ZNF618: variants seen among roughly 807,000 people sequenced by gnomAD.
The protein encoded by ZNF618 is neural precursor cell expressed, developmentally down-regulated 10.
In ZNF618, 34 loss-of-function variants were observed where a neutral mutation model predicts 103.0. The observed-to-expected ratio is 0.33, with a 90% CI of 0.25 to 0.44. The LOEUF (loss-of-function observed/expected upper bound fraction) is 0.44. Ranked by LOEUF, ZNF618 falls within the 20% of genes least tolerant of loss-of-function variation. The pLI is 1.00. For missense variants in ZNF618, 1,059 were observed against 1,295.4 expected, an observed-to-expected ratio of 0.82 and a Z score of 2.80; for synonymous variants, 551 against 542.2, an observed-to-expected ratio of 1.02 and a Z score of -0.23.
intron 1 of ZNF618, among the ~76,000 whole-genome samples, chr9:113,913,517 GA>G: frequency 1.3e-5 from 2 of 152,374 alleles, no homozygotes; most frequent in East Asian, 3.9e-4. Flanking sequence ...TTGGAGGTAT[GA>G]AAGCAGTTGC....
At chr9:113,920,792 G>C (rs1341876948) in intron 1 of ZNF618, among the ~76,000 whole-genome samples, 1 of 152,242 alleles carries the variant, frequency 6.6e-6, no homozygotes, top group Non-Finnish European at 1.5e-5. Flanking sequence ...ACAGTACCTA[G>C]CACATGGGAA....
intron 1 of ZNF618, among the ~76,000 whole-genome samples, chr9:113,879,017 T>A (rs945734207): frequency 1.3e-5 from 2 of 151,840 alleles, no homozygotes; most frequent in African/African-American, 4.8e-5. Flanking sequence ...TTTTTTTTTT[T>A]AAGTAGCATA....
At chr9:113,911,440 T>G (rs1396633287) in intron 1 of ZNF618, among the ~76,000 whole-genome samples, 1 of 152,128 alleles carries the variant, frequency 6.6e-6, no homozygotes, top group Admixed American at 6.6e-5. Context: ...ACGATTCTCC[T>G]GTCTTAGCCT....
At chr9:114,045,013 TATC>T (rs1246124532) in intron 13 of ZNF618, among the ~76,000 whole-genome samples, 1 of 152,242 alleles carries the variant, frequency 6.6e-6, no homozygotes. Flanking sequence ...TATATAATCA[TATC>T]ATCAGTGAAC....
chr9:113,945,402 A>G (rs1834923507), intron 1 of ZNF618, among the ~76,000 whole-genome samples: 1 of 152,174 alleles, frequency 6.6e-6, no homozygotes, highest in Non-Finnish European at 1.5e-5. Context: ...ATAGTTATCT[A>G]TTTATTGGTG....
chr9:114,049,734 A>G lies in ZNF618; in HGVS notation c.2432A>G (p.Gln811Arg). 1 of 1,613,886 alleles carries G rather than the reference A, an allele frequency of 6.2e-7. No individual in the cohort carries two copies. The highest frequency in any genetic ancestry group is 8.5e-7 in the Non-Finnish European group (1 of 1,179,898). Residue 811 changes from glutamine (Q) to arginine (R), a missense_variant, in exon 15 of 15, where the codon CAG (glutamine) becomes CGG (arginine). Physicochemically the swap from Gln to Arg is conservative, Grantham distance 43. Around this residue, in one of 6 missense-constraint regions of ZNF618, gnomAD observed 156 missense variants for 197.1 expected, o/e 0.79. Coordinates refer to ENST00000374126, the MANE Select transcript of ZNF618 (RefSeq NM_001318042.2). ...AHKVAMILDPQQKLRPVPPYQ... is the reference protein window; with the variant it reads ...AHKVAMILDPRQKLRPVPPYQ... ...AAGGTGGCCATGATCCTGGACCCGC[A>G]GCAGAAGCTGCGGCCTGTGCCACCC...
chr9:113,982,724 C>A (rs749041131), intron 2 of ZNF618, among the ~76,000 whole-genome samples: 12 of 152,120 alleles, frequency 7.9e-5, no homozygotes, highest in Non-Finnish European at 1.5e-4. Context: ...GTCTTAGAGC[C>A]TTGCTCAACA....
intron 1 of ZNF618, among the ~76,000 whole-genome samples, chr9:113,954,349 T>C (rs529839052): frequency 7.9e-5 from 12 of 152,104 alleles, no homozygotes; most frequent in Admixed American, 5.9e-4. Context: ...GCATTACCCT[T>C]TCACATGATG....
At chr9:113,937,865 T>C (rs767560684) in intron 1 of ZNF618, among the ~76,000 whole-genome samples, 16 of 119,990 alleles carry the variant, frequency 1.3e-4, no homozygotes, top group Non-Finnish European at 2.8e-4. Flanking sequence ...CAGTTTTACC[T>C]AATTATGTGC....
At chr9:114,043,501 A>C (rs921812844) in intron 13 of ZNF618, among the ~76,000 whole-genome samples, 2 of 152,228 alleles carry the variant, frequency 1.3e-5, no homozygotes, top group African/African-American at 2.4e-5. Flanking sequence ...GCATCTGTTC[A>C]TGTGCTCATT....
intron 1 of ZNF618, among the ~76,000 whole-genome samples, chr9:113,914,767 AC>A (rs1307847130): frequency 6.6e-6 from 1 of 152,150 alleles, no homozygotes; most frequent in East Asian, 1.9e-4. Flanking sequence ...CAGAGGTTGA[AC>A]CAGAGATCAA....
intron 1 of ZNF618, among the ~76,000 whole-genome samples, chr9:113,883,337 C>A (rs1032683891): frequency 6.6e-6 from 1 of 152,198 alleles, no homozygotes; most frequent in African/African-American, 2.4e-5. Flanking sequence ...TTCACCCCTG[C>A]CCTCCTCACT....
At chr9:113,879,662 A>G (rs563115467) in intron 1 of ZNF618, among the ~76,000 whole-genome samples, 35 of 152,074 alleles carry the variant, frequency 2.3e-4, no homozygotes, top group Non-Finnish European at 4.3e-4. Flanking sequence ...ATATCTGGCA[A>G]ATTGGACTTG....
chr9:114,005,064 CCTTTATT>C (rs1302393553), intron 6 of ZNF618, among the ~76,000 whole-genome samples: 2 of 152,110 alleles, frequency 1.3e-5, no homozygotes, highest in African/African-American at 4.8e-5. Flanking sequence ...CCCTTGTGTT[CCTTTATT>C]CTTTATTATA....
At chr9:114,001,375 G>T (rs1007519832) in intron 4 of ZNF618, among the ~76,000 whole-genome samples, 1 of 152,132 alleles carries the variant, frequency 6.6e-6, no homozygotes, top group Admixed American at 6.5e-5. Context: ...TCCTTGCTGA[G>T]CCTGTCTAGA....
intron 1 of ZNF618, among the ~76,000 whole-genome samples, chr9:113,947,355 A>T (rs1835137482): frequency 6.6e-6 from 1 of 152,238 alleles, no homozygotes; most frequent in African/African-American, 2.4e-5. Context: ...CAGCATTACC[A>T]TGAAGAGGCA....
rs550576653 is a variant in ZNF618, at chr9:113,947,012, G to C, written c.34-22105G>C. On this transcript the variant is annotated intron_variant, in intron 1 of 14. Coordinates refer to ENST00000374126, the MANE Select transcript of ZNF618 (RefSeq NM_001318042.2). ...TCTTAAATCTGTGTTCTGTTTTGGG[G>C]ACGACACAGACAGCATCTCCCCTGT... 2.0e-5 allele frequency among the ~76,000 whole-genome samples: 3 copies of C among 152,278 alleles called. No individual in the cohort carries two copies. The East Asian group carries it at 5.8e-4, about 29-fold the overall frequency.
intron 1 of ZNF618, among the ~76,000 whole-genome samples, chr9:113,886,779 A>G (rs926731705): frequency 1.3e-5 from 2 of 152,138 alleles, no homozygotes; most frequent in Admixed American, 6.5e-5. Flanking sequence ...ATTGGTATCC[A>G]CTAGCTGCAT....
chr9:113,938,429 T>C (rs1241919483), intron 1 of ZNF618, among the ~76,000 whole-genome samples: 4 of 152,020 alleles, frequency 2.6e-5, no homozygotes, highest in African/African-American at 9.7e-5. Context: ...GATTCTCCCT[T>C]GTTGGCTGCC....
Sources: gnomAD v4.1 joint callset for allele counts (sites outside exome capture counted in the v4.1 genomes callset) on GRCh38, gnomAD v4.1.1 for gene constraint, gnomAD v4.1.1 regional missense constraint, MANE v1.5 for transcripts, NCBI Gene and HGNC (gene_info 2026-07-23, HGNC 2026-07-21) for gene names.